Variants in KLHL5 observed in about 807,000 individuals in gnomAD.
The protein encoded by KLHL5 is kelch like family member 5.
A neutral mutation model predicts 77.7 loss-of-function variants in KLHL5; 48 were observed. That is an observed-to-expected ratio of 0.62 (90% CI 0.49 to 0.79). The LOEUF (loss-of-function observed/expected upper bound fraction) is 0.79. Among genes scored for constraint, KLHL5 ranks in the 30% least tolerant of loss-of-function variants. The pLI is 0.00. For synonymous variants in KLHL5, 260 were observed against 297.0 expected, an observed-to-expected ratio of 0.88 and a Z score of 1.28; for missense variants, 723 against 859.7, an observed-to-expected ratio of 0.84 and a Z score of 1.99.
In KLHL5 at chr4:39,087,387, T is replaced by C. The variant is rs73808955; in HGVS notation, c.1113+660T>C. ...ATGTTTATTAAGTATCCACTAAATA[T>C]TGGATTCTGGTGATATATAGATTAA... On this transcript the variant is annotated intron_variant, in intron 5 of 10. Transcript: ENST00000504108. Among the ~76,000 whole-genome samples, 901 of 152,300 alleles carry C rather than the reference T, an allele frequency of 5.9e-3. 4 individuals carry two copies. The highest frequency in any genetic ancestry group is 0.021 in the African/African-American group (872 of 41,570).
In KLHL5 at chr4:39,096,855, T is replaced by G. The variant is rs950199449; in HGVS notation, c.1277T>G (p.Val426Gly). Residue 426 changes from valine to glycine, a missense_variant, in exon 6 of 11, where the codon GTT becomes GGT. Transcript: ENST00000504108. ...RKSTVGTLFA[V>G]GGMDSTKGAT... ...TCAACTGTTGGTACATTATTTGCAG[T>G]TGGGGGAATGGATTCAACAAAAGGT... 1 of 1,613,616 alleles carries G rather than the reference T, an allele frequency of 6.2e-7. No homozygotes were observed. Among genetic ancestry groups the G allele is most frequent in the Non-Finnish European group, 8.5e-7 (1 of 1,179,656 alleles).
At chr4:39,115,390 G>T (rs796386947) in intron 10 of KLHL5, 60 bp downstream of exon 10, 1 of 1,597,262 alleles carries the variant, frequency 6.3e-7, no homozygotes, top group Non-Finnish European at 8.5e-7. Flanking sequence ...AATTCTTATG[G>T]TAAAACAGAT....
chr4:39,113,275 A>G lies in KLHL5; in HGVS notation c.1901+43A>G, dbSNP rs747117015. On this transcript the variant is annotated intron_variant, in intron 9 of 10. Transcript: ENST00000504108. ...AAAACTAGGAACAAAAAAGATATAT[A>G]TAAGTCTCTGATACTTACATATATT... The G allele has an allele frequency of 4.6e-5, 67 of 1,462,586 alleles. No homozygotes were observed. Among genetic ancestry groups the G allele is most frequent in the Middle Eastern group, 1.8e-4 (1 of 5,412 alleles). The allele number at this position is 1,462,586 out of a possible 1,614,324, so 90.6% of individuals were successfully genotyped here.
rs1718995362 is a variant in KLHL5 at position 39,075,981 on chromosome 4, C to CA, written c.401dup (p.Thr135AspfsTer15). 6.2e-7 allele frequency: 1 copy of CA among 1,608,606 alleles called. No homozygotes were observed. The highest frequency in any genetic ancestry group is 1.3e-5 in the African/African-American group (1 of 74,462). On this transcript the variant is annotated frameshift_variant, in exon 2 of 11. Transcript: ENST00000504108. LOFTEE classifies it high-confidence loss of function. ...TCTTTTCAGGACTTCCAATAGTAGTCAGACATTATCATCCTGTCATACTAT... is the reference window on the plus strand; with the variant it reads ...TCTTTTCAGGACTTCCAATAGTAGTCAAGACATTATCATCCTGTCATACTAT...
rs1400042896 is a variant in KLHL5, at chr4:39,122,193, CTATAAGA to C, written c.*1134_*1140del. Reference sequence around the variant, plus strand: ...GGGCAGTAACATTTTGTGATAAATCCTATAAGATATAAGTCATTGAGATGTCTAAGAT... The same window carrying C: ...GGGCAGTAACATTTTGTGATAAATCCTATAAGTCATTGAGATGTCTAAGAT... On this transcript the variant is annotated 3_prime_UTR_variant, in exon 11 of 11. Coordinates refer to ENST00000504108, the MANE Select transcript of KLHL5 (RefSeq NM_015990.5). 4.6e-5 allele frequency: 7 copies of C among 152,500 alleles called. No homozygotes were observed. Among genetic ancestry groups the C allele is most frequent in the East Asian group, 1.9e-4 (1 of 5,206 alleles). 9.4% of individuals were successfully genotyped at this position (152,500 alleles called of 1,614,324 possible). A position where few individuals can be genotyped will look rare whatever the true frequency, so the allele number is the denominator to read the frequency against.
At chr4:39,087,943 ACCTT>A (rs1720199881) in intron 5 of KLHL5, among the ~76,000 whole-genome samples, 1 of 152,172 alleles carries the variant, frequency 6.6e-6, no homozygotes, top group Non-Finnish European at 1.5e-5. Flanking sequence ...GCTTTCTAAG[ACCTT>A]CCTCTTCAGA....
intron 1 of KLHL5, among the ~76,000 whole-genome samples, chr4:39,073,755 C>T (rs1718719368): frequency 6.6e-6 from 1 of 152,004 alleles, no homozygotes; most frequent in South Asian, 2.1e-4. Context: ...AACGATTCTC[C>T]TGCCTCAGCC....
intron 1 of KLHL5, 42 bp downstream of exon 1, chr4:39,063,077 T>C (rs1305727360): frequency 6.9e-7 from 1 of 1,458,246 alleles, no homozygotes; most frequent in Admixed American, 2.1e-5. Context: ...TGTGGGGGTA[T>C]GGCTCTATAA....
At chr4:39,052,855 C>A (rs1577626237) in intron 1 of KLHL5, among the ~76,000 whole-genome samples, 1 of 152,100 alleles carries the variant, frequency 6.6e-6, no homozygotes, top group African/African-American at 2.4e-5. Context: ...TCTCCTTCCC[C>A]CCATTGGAGT....
At chr4:39,069,455 TATATATATATATATATATACACAC>T (rs1349478947) in intron 1 of KLHL5, among the ~76,000 whole-genome samples, 177 of 36,438 alleles carry the variant, frequency 4.9e-3, no homozygotes, top group African/African-American at 0.015. Context: ...TATATATATA[TATATATATATATATATATACACAC>T]ACACACACAC....
intron 8 of KLHL5, among the ~76,000 whole-genome samples, chr4:39,111,744 T>G (rs1259518710): frequency 6.6e-6 from 1 of 152,162 alleles, no homozygotes; most frequent in Non-Finnish European, 1.5e-5. Flanking sequence ...TTCAAATAAA[T>G]TTCAATTTCC....
upstream of KLHL5, among the ~76,000 whole-genome samples, chr4:39,060,514 A>G (rs1717327950): frequency 1.3e-5 from 2 of 150,712 alleles, no homozygotes; most frequent in Non-Finnish European, 1.5e-5. Context: ...CTTGTTGAGA[A>G]CCAGCTACTT....
At chr4:39,048,381 A>T (rs1716360238) in intron 1 of KLHL5, among the ~76,000 whole-genome samples, 1 of 152,348 alleles carries the variant, frequency 6.6e-6, no homozygotes, top group South Asian at 2.1e-4. Context: ...AGAGCTGTTC[A>T]TTGCTTCACT....
Position 39,125,365 on chromosome 4 carries a change from A to G in KLHL5, c.*4299A>G, listed in dbSNP as rs1407762981. On this transcript the variant is annotated 3_prime_UTR_variant, in exon 11 of 11. Transcript: ENST00000504108. ...GCATATACTGAAAAGAACTGAAAAC[A>G]GGTGTTCAAGCAAAAACTTTCACGC... is the stretch of plus-strand genomic sequence containing the variant. Among the ~76,000 whole-genome samples, 1 of 152,216 alleles carries G rather than the reference A, an allele frequency of 6.6e-6. No homozygotes were observed. Among genetic ancestry groups the G allele is most frequent in the Non-Finnish European group, 1.5e-5 (1 of 68,034 alleles).
intron 4 of KLHL5, 119 bp from the exon 5 acceptor site, chr4:39,086,396 T>G (rs1720038585): frequency 2.6e-6 from 2 of 756,714 alleles, no homozygotes; most frequent in South Asian, 3.4e-5. Flanking sequence ...TATTACATTG[T>G]AAGGTCTAAA....
chr4:39,140,093 G>A, the KLHL5 span, among the ~76,000 whole-genome samples: 1 of 152,058 alleles, frequency 6.6e-6, no homozygotes, highest in Non-Finnish European at 1.5e-5. Context: ...AGGGTGTGGT[G>A]GTGCATGCCT....
At chr4:39,093,251 A>G in intron 5 of KLHL5, 2 of 430,658 alleles carry the variant, frequency 4.6e-6, no homozygotes, top group Non-Finnish European at 9.3e-6. Flanking sequence ...GAAGCAAGAC[A>G]CCAGAGTCTC....
At chr4:39,052,112 T>G (rs1458812641) in intron 1 of KLHL5, among the ~76,000 whole-genome samples, 1 of 152,092 alleles carries the variant, frequency 6.6e-6, no homozygotes, top group Admixed American at 6.6e-5. Flanking sequence ...TCTTTTTAAA[T>G]TTATTATTAT....
At chr4:39,094,646 A>G (rs1018390956) in intron 5 of KLHL5, among the ~76,000 whole-genome samples, 12 of 152,046 alleles carry the variant, frequency 7.9e-5, no homozygotes, top group Non-Finnish European at 1.3e-4. Context: ...AAATAGGAAT[A>G]GACAAATAGA....
Sources: allele counts gnomAD v4.1 joint callset (sites outside exome capture counted in the v4.1 genomes callset), GRCh38; gene constraint gnomAD v4.1.1; transcripts MANE v1.5; gene names NCBI Gene and HGNC (gene_info 2026-07-23, HGNC 2026-07-21).